Variants in BAHCC1 observed in about 807,000 individuals in gnomAD.
The protein encoded by BAHCC1 is BAH domain and coiled-coil containing 1.
Under a neutral mutation model 88.2 loss-of-function variants are expected in BAHCC1, and 43 were observed. The observed-to-expected ratio is 0.49, with a 90% confidence interval of 0.38 to 0.63. The LOEUF (loss-of-function observed/expected upper bound fraction) is 0.63, where lower values mean the gene tolerates loss of function less well. Ranked by LOEUF, BAHCC1 falls within the 20% of genes least tolerant of loss-of-function variation. The pLI is 0.00. For synonymous variants in BAHCC1, 1,510 were observed against 745.5 expected, an observed-to-expected ratio of 2.03 and a Z score of -16.71; for missense variants, 3,023 against 1,654.8, an observed-to-expected ratio of 1.83 and a Z score of -14.34.
At chr17:81,416,322 GTGT>G (rs2064024038) in intron 2 of BAHCC1, among the ~76,000 whole-genome samples, 1 of 148,182 alleles carries the variant, frequency 6.7e-6, no homozygotes, top group Non-Finnish European at 1.5e-5. Context: ...GTATGCGTGT[GTGT>G]CCATGAGGAT....
At position 81,447,395 on chromosome 17, in the gene BAHCC1, C is replaced by T. The variant is rs782407718; in HGVS notation, c.3523C>T (p.His1175Tyr). The T allele has an allele frequency of 9.4e-6, 7 of 742,534 alleles. No homozygotes were observed. The highest frequency in any genetic ancestry group is 6.8e-5 in the African/African-American group (4 of 58,480). The allele number at this position is 742,534 out of a possible 1,614,324, so 46.0% of individuals were successfully genotyped here. A position where few individuals can be genotyped will look rare whatever the true frequency, so the allele number is the denominator to read the frequency against. The change falls in exon 11 of 28, where the codon CAT becomes TAT. Residue 1175 changes from histidine to tyrosine, a missense_variant. Physicochemically the swap from His to Tyr is moderately conservative, Grantham distance 83 (BLOSUM62 2). Transcript: ENST00000675386. ...AGGPEATGQA[H>Y]STQGGAREER... The stretch of plus-strand genomic sequence containing the variant: ...GGGCCCCGAGGCCACCGGCCAGGCT[C>T]ATTCTACTCAGGGAGGGGCACGAGA...
At position 81,455,288 on chromosome 17, in the gene BAHCC1, T is replaced by G; in HGVS notation, c.4467T>G (p.Gly1489=). Residue 1489 remains glycine (G), a synonymous_variant, in exon 15 of 28, where the codon GGT becomes GGG. Coordinates refer to ENST00000675386, the MANE Select transcript of BAHCC1 (RefSeq NM_001377448.1). ...KKVKAVRTSL[G]LLCAELRGGS... ...CCAGGGCGGTGCGGACAAGCCTGGGTCTGCTGTGTGCGGAGCTGCGAGGAG... is the reference window on the plus strand; with the variant it reads ...CCAGGGCGGTGCGGACAAGCCTGGGGCTGCTGTGTGCGGAGCTGCGAGGAG... The G allele has an allele frequency of 1.4e-6, 1 of 716,882 alleles. No individual in the cohort carries two copies. The highest frequency in any genetic ancestry group is 1.5e-5 in the South Asian group (1 of 67,628). 44.4% of individuals were successfully genotyped at this position (716,882 alleles called of 1,614,324 possible).
intron 2 of BAHCC1, chr17:81,413,233 T>G (rs2063978089): frequency 3.6e-6 from 1 of 277,680 alleles, no homozygotes; most frequent in African/African-American, 2.3e-5. Flanking sequence ...GGGCGCTCGC[T>G]GCTGGCTGGG....
At chr17:81,416,602 G>GTGTTTGTGTGTA (rs2064034554) in intron 2 of BAHCC1, among the ~76,000 whole-genome samples, 25 of 145,814 alleles carry the variant, frequency 1.7e-4, no homozygotes, top group Admixed American at 1.4e-4. Flanking sequence ...TGGTGTATGC[G>GTGTTTGTGTGTA]CGTATGTACG....
Position 81,445,534 on chromosome 17 carries a change from C to A in BAHCC1, c.3016C>A (p.Pro1006Thr). Residue 1006 changes from proline to threonine, a missense_variant, in exon 10 of 28, where the codon CCC becomes ACC. By Grantham distance (38) the Pro-to-Thr change is conservative (BLOSUM62 -1). Coordinates refer to ENST00000675386, the MANE Select transcript of BAHCC1 (RefSeq NM_001377448.1). The part of the protein sequence containing the change: ...PPDPKPPASS[P>T]TPPPRPSAPC... ...CGACCCAAAGCCCCCCGCCAGCTCC[C>A]CCACCCCACCACCTCGGCCCAGCGC... 2 of 728,474 alleles carry A rather than the reference C, an allele frequency of 2.7e-6. No individual in the cohort carries two copies. Among genetic ancestry groups the A allele is most frequent in the East Asian group, 2.6e-5 (1 of 38,164 alleles). 45.1% of individuals were successfully genotyped at this position (728,474 alleles called of 1,614,324 possible).
At position 81,458,671 on chromosome 17, in the gene BAHCC1, C is replaced by T; in HGVS notation, c.5394C>T (p.Ala1798=). The change falls in exon 19 of 28, where the codon GCC becomes GCT. Residue 1798 remains alanine, a synonymous_variant. Transcript: ENST00000675386. ...SITLATRNAK[A]ILGKGRKLSK... Reference sequence around the variant, plus strand: ...CGCTGGCCACACGCAACGCCAAGGCCATCCTGGGGAAGGGCCGGAAGCTGA... The same window carrying T: ...CGCTGGCCACACGCAACGCCAAGGCTATCCTGGGGAAGGGCCGGAAGCTGA... 1 of 723,952 alleles carries T rather than the reference C, an allele frequency of 1.4e-6. No individual in the cohort carries two copies. Among genetic ancestry groups the T allele is most frequent in the Non-Finnish European group, 2.6e-6 (1 of 388,960 alleles). 44.8% of individuals were successfully genotyped at this position (723,952 alleles called of 1,614,324 possible).
intron 2 of BAHCC1, among the ~76,000 whole-genome samples, chr17:81,409,338 A>G (rs1328676853): frequency 7.9e-6 from 1 of 127,244 alleles, no homozygotes. Flanking sequence ...GTGGTGGGAG[A>G]CAGAAGTGGG....
intron 4 of BAHCC1, among the ~76,000 whole-genome samples, chr17:81,439,639 G>C (rs2064384272): frequency 6.6e-6 from 1 of 152,002 alleles, no homozygotes; most frequent in Non-Finnish European, 1.5e-5. Context: ...GGTGGGGACA[G>C]ATGGTTTCCG....
chr17:81,430,187 T>C (rs1401300382), intron 3 of BAHCC1, among the ~76,000 whole-genome samples: 2 of 151,928 alleles, frequency 1.3e-5, no homozygotes, highest in Non-Finnish European at 2.9e-5. Context: ...GCTGGCCCTA[T>C]TGTCAGCAGG....
chr17:81,447,301 G>T lies in BAHCC1; in HGVS notation c.3429G>T (p.Gly1143=), dbSNP rs781904887. 2.7e-6 allele frequency: 2 copies of T among 738,524 alleles called. No homozygotes were observed. The highest frequency in any genetic ancestry group is 2.9e-5 in the South Asian group (2 of 69,068). 45.7% of individuals were successfully genotyped at this position (738,524 alleles called of 1,614,324 possible). The change falls in exon 11 of 28, where the codon GGG becomes GGT. Residue 1143 remains glycine (G), a synonymous_variant. Transcript: ENST00000675386. The part of the protein sequence containing the change: ...TPYPTERGPQ[G]KAADPSPLEG... ...ACCCTACCGAGCGGGGACCCCAGGG[G>T]AAGGCAGCGGACCCCAGCCCACTAG...
intron 2 of BAHCC1, among the ~76,000 whole-genome samples, chr17:81,416,805 G>A (rs2064037618): frequency 1.3e-5 from 2 of 152,224 alleles, no homozygotes; most frequent in South Asian, 4.1e-4. Context: ...CAGGAGTTAG[G>A]AGCACGCTCG....
At chr17:81,425,004 GTGATGTGGTTGGTGA>G (rs1184427087) in intron 2 of BAHCC1, among the ~76,000 whole-genome samples, 23 of 149,102 alleles carry the variant, frequency 1.5e-4, no homozygotes, top group Admixed American at 4.0e-4. Context: ...ATAGTGATGG[GTGATGTGGTTGGTGA>G]TGATGTGGTT....
rs146560663 is a variant in BAHCC1, at chr17:81,399,152, T to TGC, written c.-206-380_-206-379dup. Reference sequence around the variant, plus strand: ...GAGTGTGTGTGTGTGTGTGTGTGTGTGCGAGTGTGCGTGATGGCTTCGCAG... The same window carrying TGC: ...GAGTGTGTGTGTGTGTGTGTGTGTGTGCGCGAGTGTGCGTGATGGCTTCGCAG... On this transcript the variant is annotated intron_variant, in intron 1 of 27. Coordinates refer to ENST00000675386, the MANE Select transcript of BAHCC1 (RefSeq NM_001377448.1). This position sits in a 1 kb window ranked among gnomAD's most constrained non-coding sequence, Gnocchi z 4.5. 75,353 of 346,954 alleles carry TGC rather than the reference T, an allele frequency of 0.22. 9,542 individuals carry two copies. The highest frequency in any genetic ancestry group is 0.26 in the Non-Finnish European group (42,800 of 167,518). 21.5% of individuals were successfully genotyped at this position (346,954 alleles called of 1,614,324 possible).
intron 2 of BAHCC1, chr17:81,413,129 C>A (rs1555648087): frequency 2.2e-6 from 1 of 445,858 alleles, no homozygotes; most frequent in Admixed American, 2.4e-5. Flanking sequence ...CTGAGGCCCC[C>A]CACAGCAGCC....
intron 15 of BAHCC1, 138 bp downstream of exon 15, chr17:81,455,528 G>T: frequency 1.6e-6 from 1 of 609,718 alleles, no homozygotes; most frequent in Non-Finnish European, 3.0e-6. Context: ...GGAGCTCCGA[G>T]CGCCGACAGC....
rs782506054 is a variant in BAHCC1, at chr17:81,461,264, C to T, written c.6601C>T (p.Arg2201Trp). 22 of 697,184 alleles carry T rather than the reference C, an allele frequency of 3.2e-5. No homozygotes were observed. The highest frequency in any genetic ancestry group is 2.4e-4 in the Middle Eastern group (1 of 4,232). 43.2% of individuals were successfully genotyped at this position (697,184 alleles called of 1,614,324 possible). ...GGAGGCCGAGAAGGGTGGGCGGCGG[C>T]GGGCGGGCGGTGAGTTCCTGGTCAA... ...RVEAEKGGRRRAGGEFLVKLD... is the reference protein window; with the variant it reads ...RVEAEKGGRRWAGGEFLVKLD... The change falls in exon 26 of 28, where the codon CGG becomes TGG. Residue 2201 changes from arginine (R) to tryptophan (W), a missense_variant. Transcript: ENST00000675386.
At position 81,443,515 on chromosome 17, in the gene BAHCC1, C is replaced by G. The variant is rs1253028557; in HGVS notation, c.2166C>G (p.Ala722=). ...ACACAGTGAGCCGGTCTGAGGCAGC[C>G]TACGGCACCAACACTGCGCGGCAGG... The part of the protein sequence containing the change: ...QKDTVSRSEA[A]YGTNTARQGR... The change falls in exon 5 of 28, where the codon GCC becomes GCG. Residue 722 remains alanine, a synonymous_variant. Coordinates refer to ENST00000675386, the MANE Select transcript of BAHCC1 (RefSeq NM_001377448.1). 8.7e-6 allele frequency: 6 copies of G among 689,736 alleles called. No individual in the cohort carries two copies. Among genetic ancestry groups the G allele is most frequent in the Non-Finnish European group, 1.6e-5 (6 of 374,444 alleles). The allele number at this position is 689,736 out of a possible 1,614,324, so 42.7% of individuals were successfully genotyped here.
intron 2 of BAHCC1, among the ~76,000 whole-genome samples, chr17:81,407,734 G>T (rs1195062633): frequency 6.6e-6 from 1 of 152,222 alleles, no homozygotes; most frequent in East Asian, 1.9e-4. Flanking sequence ...GGATATCCCA[G>T]CGGGGTCTAG....
At chr17:81,426,319 G>A (rs2064197774) in intron 2 of BAHCC1, among the ~76,000 whole-genome samples, 2 of 150,364 alleles carry the variant, frequency 1.3e-5, no homozygotes, top group African/African-American at 4.9e-5. Context: ...GATAGTGGTG[G>A]GTGATGTGGT....
Sources: gnomAD v4.1 joint callset for allele counts (sites outside exome capture counted in the v4.1 genomes callset) on GRCh38, gnomAD v4.1.1 for gene constraint, Gnocchi (gnomAD v3.1) non-coding constraint, MANE v1.5 for transcripts, NCBI Gene and HGNC (gene_info 2026-07-23, HGNC 2026-07-21) for gene names.